The following POM121 variants were observed in gnomAD, a reference collection of about 807,000 sequenced individuals.
POM121 encodes nuclear envelope pore membrane protein POM 121.
POM121 carries 32 observed loss-of-function variants against 81.3 expected under a neutral mutation model. The ratio of observed to expected loss-of-function variants is 0.39; its 90% confidence interval spans 0.30 to 0.53. The LOEUF is 0.53. POM121 is among the 20% of genes least tolerant of loss of function. POM121 has a pLI of 0.66. For synonymous variants in POM121, 514 were observed against 694.2 expected (o/e 0.74, Z 4.08); for missense variants, 1,138 against 1,614.6 (o/e 0.70, Z 5.06).
At position 72,930,342 on chromosome 7, in the gene POM121, G is replaced by A. The variant is rs576194121; in HGVS notation, c.1275+231G>A. ...TAAATAAAGTAATTGATTAGCAAAG[G>A]TTTACTGATCACCTTCTATCTGTCA... On this transcript the variant is annotated intron_variant, in intron 5 of 12. Coordinates refer to ENST00000434423, the MANE Select transcript of POM121 (RefSeq NM_001387691.1). 9.3e-4 allele frequency among the ~76,000 whole-genome samples: 141 copies of A among 152,286 alleles called. 4 individuals are homozygous for A. The South Asian group carries it at 0.028, about 31-fold the overall frequency.
At chr7:72,896,527 C>G (rs1206837806) in intron 3 of POM121, among the ~76,000 whole-genome samples, 6 of 138,598 alleles carry the variant, frequency 4.3e-5, no homozygotes, top group African/African-American at 1.7e-4. Flanking sequence ...CATGGTGGCA[C>G]GCACCTGTAG....
At chr7:72,892,040 C>T (rs1791349701) in intron 3 of POM121, among the ~76,000 whole-genome samples, 1 of 152,204 alleles carries the variant, frequency 6.6e-6, no homozygotes, top group Admixed American at 6.5e-5. Flanking sequence ...ATTTCCCCTT[C>T]CCCATAACTG....
chr7:72,902,341 C>T (rs1792758599), intron 3 of POM121, among the ~76,000 whole-genome samples: 2 of 145,378 alleles, frequency 1.4e-5, no homozygotes, highest in Non-Finnish European at 3.0e-5. Context: ...TGGCTCACTG[C>T]AACCTCTGCC....
At position 72,945,641 on chromosome 7, in the gene POM121, A is replaced by G. The variant is rs782322055; in HGVS notation, c.3585A>G (p.Ser1195=). 5.8e-5 allele frequency: 93 copies of G among 1,612,590 alleles called. No homozygotes were observed. Among genetic ancestry groups the G allele is most frequent in the Middle Eastern group, 1.7e-4 (1 of 5,998 alleles). Residue 1195 remains serine, a synonymous_variant, in exon 12 of 13, where the codon TCA becomes TCG. Transcript: ENST00000434423. The part of the protein sequence containing the change: ...LNTPAPGVGT[S]GSSLSFGASS... ...CCCCTGCGCCTGGAGTGGGCACATC[A>G]GGCAGCAGCCTCTCCTTTGGGGCAT...
chr7:72,891,509 C>T (rs1214874363), intron 3 of POM121, among the ~76,000 whole-genome samples: 5 of 152,142 alleles, frequency 3.3e-5, no homozygotes, highest in African/African-American at 1.2e-4. Context: ...CAGGTTCAAG[C>T]GATTCTCCTT....
At chr7:72,915,734 G>A (rs1433903046) in intron 4 of POM121, among the ~76,000 whole-genome samples, 3 of 152,118 alleles carry the variant, frequency 2.0e-5, no homozygotes, top group Non-Finnish European at 4.4e-5. Flanking sequence ...GTGCAGTGGC[G>A]TGATCCAGGC....
rs1419269410 is a variant in POM121, at chr7:72,930,561, G to A, written c.1275+450G>A. 1.5e-4 allele frequency among the ~76,000 whole-genome samples: 23 copies of A among 152,254 alleles called. 1 individual carries two copies. The highest frequency in any genetic ancestry group is 4.6e-4 in the Admixed American group (7 of 15,298). ...GACTGAGTCCAGCTTGTATTGGGTC[G>A]TAAAAGAGATTTATCTTATAGGCGT... is the stretch of plus-strand genomic sequence containing the variant. On this transcript the variant is annotated intron_variant, in intron 5 of 12. Coordinates refer to ENST00000434423, the MANE Select transcript of POM121 (RefSeq NM_001387691.1).
chr7:72,940,637 C>G, intron 9 of POM121, 121 bp downstream of exon 9: 1 of 618,598 alleles, frequency 1.6e-6, no homozygotes, highest in Non-Finnish European at 2.9e-6. Flanking sequence ...TCCATGTTTT[C>G]TTGTGGTCTT....
intron 1 of POM121, among the ~76,000 whole-genome samples, chr7:72,883,167 G>A (rs1266621677): frequency 1.3e-5 from 2 of 152,176 alleles, no homozygotes; most frequent in African/African-American, 2.4e-5. Context: ...AGCCTCCTGC[G>A]TAGCTGGGAC....
chr7:72,880,282 G>T (rs1278920748), intron 1 of POM121, among the ~76,000 whole-genome samples: 1 of 152,166 alleles, frequency 6.6e-6, no homozygotes, highest in Non-Finnish European at 1.5e-5. Flanking sequence ...GGAACAGTCT[G>T]CAGGGATTCT....
In POM121 at chr7:72,925,262, C is replaced by T. The variant is rs1410834885; in HGVS notation, c.141C>T (p.Tyr47=). ...LGLSLVGLLL[Y]LVPAAAALAW... Reference sequence around the variant, plus strand: ...TGTCGCTGGTTGGCCTCTTACTGTACCTCGTGCCGGCTGCGGCTGCACTGG... The same window carrying T: ...TGTCGCTGGTTGGCCTCTTACTGTATCTCGTGCCGGCTGCGGCTGCACTGG... Residue 47 remains tyrosine, a synonymous_variant, in exon 1 of 13, where the codon TAC becomes TAT. Transcript: ENST00000434423. 4 of 1,534,530 alleles carry T rather than the reference C, an allele frequency of 2.6e-6. No homozygotes were observed. Among genetic ancestry groups the T allele is most frequent in the Admixed American group, 3.9e-5 (2 of 50,984 alleles).
chr7:72,923,258 C>G (rs1554496342), upstream of POM121, among the ~76,000 whole-genome samples: 1 of 152,046 alleles, frequency 6.6e-6, no homozygotes, highest in Admixed American at 6.6e-5. Context: ...GCCCCAGAGG[C>G]ATCTATACCT....
upstream of POM121, among the ~76,000 whole-genome samples, chr7:72,920,611 C>T (rs1410489687): frequency 1.3e-5 from 2 of 152,114 alleles, no homozygotes; most frequent in African/African-American, 2.4e-5. Flanking sequence ...GCCTTGGCCT[C>T]CCAAAGTGCT....
At chr7:72,923,440 G>A (rs1234392325), upstream of POM121, among the ~76,000 whole-genome samples, 2 of 151,768 alleles carry the variant, frequency 1.3e-5, no homozygotes, top group Admixed American at 6.6e-5. Flanking sequence ...TTTTTGAGAC[G>A]GAGTCTTGCT....
chr7:72,922,496 C>T (rs1360607847), upstream of POM121, among the ~76,000 whole-genome samples: 1 of 151,976 alleles, frequency 6.6e-6, no homozygotes, highest in Non-Finnish European at 1.5e-5. Context: ...AAGCGATTCT[C>T]CAGCCTCAGC....
intron 11 of POM121, among the ~76,000 whole-genome samples, chr7:72,944,409 AT>A (rs1225696302): frequency 6.6e-6 from 1 of 152,132 alleles, no homozygotes; most frequent in Non-Finnish European, 1.5e-5. Context: ...GATAAAGTGT[AT>A]AAAAAAAGGG....
downstream of POM121, chr7:72,949,637 G>A (rs1159364724): frequency 7.6e-6 from 5 of 654,680 alleles, no homozygotes; most frequent in Non-Finnish European, 1.1e-5. Context: ...CCCAGGGTCA[G>A]AGGTAACTGG....
At chr7:72,881,255 G>T (rs1790130978) in intron 1 of POM121, among the ~76,000 whole-genome samples, 2 of 151,506 alleles carry the variant, frequency 1.3e-5, no homozygotes, top group African/African-American at 4.8e-5. Flanking sequence ...TTTAAGTAGA[G>T]ACGGGGTTTT....
intron 5 of POM121, 114 bp from the exon 6 acceptor site, chr7:72,938,475 CT>C (rs1434750032): frequency 7.9e-6 from 10 of 1,266,398 alleles, no homozygotes; most frequent in Non-Finnish European, 1.1e-5. Context: ...ACAGGCATGA[CT>C]AACCATTTAA....
Sources: allele counts gnomAD v4.1 joint callset (sites outside exome capture counted in the v4.1 genomes callset), GRCh38; gene constraint gnomAD v4.1.1; transcripts MANE v1.5; gene names NCBI Gene and HGNC (gene_info 2026-07-23, HGNC 2026-07-21).